Variants in TDRD7 observed in about 807,000 individuals in gnomAD.
TDRD7 encodes the protein tudor domain containing 7.
Under a neutral mutation model 109.8 loss-of-function variants are expected in TDRD7, and 47 were observed. The observed-to-expected ratio is 0.43, with a 90% CI of 0.34 to 0.55. The LOEUF (loss-of-function observed/expected upper bound fraction) is 0.55, where lower values mean the gene tolerates loss of function less well. Among genes scored for constraint, TDRD7 ranks in the 20% least tolerant of loss-of-function variants. The pLI is 0.03. For synonymous variants in TDRD7, 424 were observed against 457.3 expected (o/e 0.93, Z 0.93); for missense variants, 1,164 against 1,319.2 (o/e 0.88, Z 1.82).
Position 97,428,681 on chromosome 9 carries a change from G to T in TDRD7, c.207+9G>T, listed in dbSNP as rs1401396750. The T allele has an allele frequency of 1.9e-6, 3 of 1,612,090 alleles. No individual in the cohort carries two copies. The highest frequency in any genetic ancestry group is 2.2e-5 in the East Asian group (1 of 44,866). On this transcript the variant is annotated intron_variant, in intron 2 of 16. Coordinates refer to ENST00000355295, the MANE Select transcript of TDRD7 (RefSeq NM_014290.3). ...CTAGTAGATCTGGAGAGGTAAGAAG[G>T]TAATTGTGCGTGTCAGAAGAATCAA...
At chr9:97,414,664 G>A (rs978767008) in intron 1 of TDRD7, among the ~76,000 whole-genome samples, 4 of 152,010 alleles carry the variant, frequency 2.6e-5, no homozygotes, top group African/African-American at 4.8e-5. Flanking sequence ...TAAAATGCAC[G>A]AATAATTTGG....
intron 8 of TDRD7, among the ~76,000 whole-genome samples, chr9:97,469,956 A>G (rs1828883621): frequency 6.6e-6 from 1 of 152,168 alleles, no homozygotes; most frequent in Non-Finnish European, 1.5e-5. Flanking sequence ...CCTTGAAAAA[A>G]ATAGGTACGC....
At chr9:97,475,316 T>C (rs1012380029) in intron 11 of TDRD7, 67 bp from the exon 12 acceptor site, 18 of 1,288,994 alleles carry the variant, frequency 1.4e-5, no homozygotes, top group Middle Eastern at 1.8e-4. Flanking sequence ...CGATCTGTTT[T>C]TCTAATGGTG....
At chr9:97,416,116 T>C (rs546604486) in intron 1 of TDRD7, among the ~76,000 whole-genome samples, 1 of 152,368 alleles carries the variant, frequency 6.6e-6, no homozygotes, top group East Asian at 1.9e-4. Context: ...TAACTGCTTC[T>C]CACCAGCTTG....
At chr9:97,470,845 G>A (rs1044114506) in intron 9 of TDRD7, among the ~76,000 whole-genome samples, 176 bp downstream of exon 9, 2 of 151,940 alleles carry the variant, frequency 1.3e-5, no homozygotes, top group African/African-American at 4.8e-5. Context: ...AAAATGTTAT[G>A]TTTTTATATT....
At chr9:97,463,503 C>A (rs1828766879) in intron 7 of TDRD7, among the ~76,000 whole-genome samples, 1 of 151,636 alleles carries the variant, frequency 6.6e-6, no homozygotes, top group Non-Finnish European at 1.5e-5. Context: ...GCTGTACAGG[C>A]CTACTTGGAG....
At chr9:97,430,639 T>C (rs1370793435) in intron 2 of TDRD7, among the ~76,000 whole-genome samples, 2 of 152,166 alleles carry the variant, frequency 1.3e-5, no homozygotes, top group African/African-American at 4.8e-5. Context: ...GGTTGCTTTT[T>C]GTTCATTTGG....
At chr9:97,466,173 G>T (rs1425416055) in intron 8 of TDRD7, among the ~76,000 whole-genome samples, 1 of 152,136 alleles carries the variant, frequency 6.6e-6, no homozygotes, top group South Asian at 2.1e-4. Context: ...CTGAACACAG[G>T]CTTAAGTCCA....
At chr9:97,428,112 T>C (rs1040082747) in intron 1 of TDRD7, among the ~76,000 whole-genome samples, 4 of 152,070 alleles carry the variant, frequency 2.6e-5, no homozygotes, top group Non-Finnish European at 4.4e-5. Context: ...GCACATCCTG[T>C]TCCCTTCCTT....
intron 6 of TDRD7, among the ~76,000 whole-genome samples, chr9:97,446,421 A>G (rs548497148): frequency 5.3e-5 from 8 of 152,342 alleles, no homozygotes; most frequent in South Asian, 2.1e-4. Context: ...TAATTATAAA[A>G]CATAACATTT....
chr9:97,461,551 T>A (rs1828724979), intron 7 of TDRD7, among the ~76,000 whole-genome samples: 1 of 152,248 alleles, frequency 6.6e-6, no homozygotes, highest in Non-Finnish European at 1.5e-5. Context: ...TAAGGCATCA[T>A]TGCCTAGGTA....
intron 5 of TDRD7, among the ~76,000 whole-genome samples, chr9:97,439,537 C>T (rs1828262802): frequency 6.6e-6 from 1 of 152,198 alleles, no homozygotes; most frequent in Admixed American, 6.5e-5. Context: ...AGGCCTTCCT[C>T]ACCCCAGCCC....
At chr9:97,447,289 C>A (rs1001837732) in intron 6 of TDRD7, among the ~76,000 whole-genome samples, 8 of 152,142 alleles carry the variant, frequency 5.3e-5, no homozygotes, top group Admixed American at 2.0e-4. Flanking sequence ...GTATACCTTT[C>A]AGCATACAGA....
intron 6 of TDRD7, among the ~76,000 whole-genome samples, chr9:97,458,135 T>G (rs1052199581): frequency 5.9e-5 from 9 of 152,092 alleles, no homozygotes; most frequent in African/African-American, 2.2e-4. Context: ...GAAAAAAGAT[T>G]ATAATGAACC....
At chr9:97,473,980 C>T (rs746338907) in intron 11 of TDRD7, among the ~76,000 whole-genome samples, 13 of 152,176 alleles carry the variant, frequency 8.5e-5, no homozygotes, top group African/African-American at 1.2e-4. Flanking sequence ...CTGCTAGAGC[C>T]AGCTGACTCT....
chr9:97,422,449 G>T (rs143603315), intron 1 of TDRD7, among the ~76,000 whole-genome samples: 100 of 152,124 alleles, frequency 6.6e-4, no homozygotes, highest in African/African-American at 2.2e-3. Context: ...TACATATTCT[G>T]TTCCATTGAT....
At chr9:97,439,726 C>T (rs1379700383) in intron 5 of TDRD7, among the ~76,000 whole-genome samples, 1 of 152,162 alleles carries the variant, frequency 6.6e-6, no homozygotes, top group African/African-American at 2.4e-5. Flanking sequence ...TTCAGATACT[C>T]CACCACTTAA....
At chr9:97,457,002 G>A (rs1828626084) in intron 6 of TDRD7, among the ~76,000 whole-genome samples, 1 of 152,020 alleles carries the variant, frequency 6.6e-6, no homozygotes, top group African/African-American at 2.4e-5. Flanking sequence ...TCAAAAAGTG[G>A]GCAAAGGGTA....
Position 97,473,703 on chromosome 9 carries a change from A to G in TDRD7, c.2079+77A>G, listed in dbSNP as rs1201211129. 5 of 1,598,894 alleles carry G rather than the reference A, an allele frequency of 3.1e-6. No individual in the cohort carries two copies. In the Admixed American group the frequency reaches 6.7e-5, roughly 21 times the overall value. On this transcript the variant is annotated intron_variant, in intron 11 of 16. Transcript: ENST00000355295. ...GAGTAATTTACTAAATTGCATAAGTATGAACAATTTTTTTTGTATGAACGA... is the reference window on the plus strand; with the variant it reads ...GAGTAATTTACTAAATTGCATAAGTGTGAACAATTTTTTTTGTATGAACGA...
Sources: gnomAD v4.1 joint callset for allele counts (sites outside exome capture counted in the v4.1 genomes callset) on GRCh38, gnomAD v4.1.1 for gene constraint, MANE v1.5 for transcripts, NCBI Gene and HGNC (gene_info 2026-07-23, HGNC 2026-07-21) for gene names.